Variants in TMCC1 observed in about 807,000 individuals in gnomAD.
TMCC1 encodes transmembrane and coiled-coil domain family 1, also known as transmembrane and coiled-coil domains protein 1.
TMCC1 carries 15 observed loss-of-function variants against 52.4 expected under a neutral mutation model. That is an observed-to-expected ratio of 0.29 (90% CI 0.19 to 0.44). The LOEUF is 0.44. TMCC1 is among the 20% of genes least tolerant of loss of function. TMCC1 has a pLI of 1.00. For synonymous variants in TMCC1, 279 were observed against 301.9 expected (o/e 0.92, Z 0.79); for missense variants, 503 against 806.0 (o/e 0.62, Z 4.55).
At chr3:129,756,565 A>G (rs2053031549) in intron 4 of TMCC1, among the ~76,000 whole-genome samples, 1 of 152,072 alleles carries the variant, frequency 6.6e-6, no homozygotes, top group African/African-American at 2.4e-5. Context: ...AGCCTGGCTG[A>G]TTTTTGTATC....
chr3:129,819,488 T>C (rs1175599349), intron 4 of TMCC1, among the ~76,000 whole-genome samples: 1 of 152,188 alleles, frequency 6.6e-6, no homozygotes, highest in Non-Finnish European at 1.5e-5. Flanking sequence ...CCTGTAAAAA[T>C]TTCAATTACT....
At chr3:129,675,589 T>G (rs2088348585) in intron 4 of TMCC1, among the ~76,000 whole-genome samples, 1 of 152,156 alleles carries the variant, frequency 6.6e-6, no homozygotes, top group African/African-American at 2.4e-5. Context: ...CCGTCCAAGA[T>G]CTTTCCACAT....
chr3:129,688,597 C>G (rs2089583178), intron 4 of TMCC1: 31 of 985,392 alleles, frequency 3.1e-5, no homozygotes, highest in Non-Finnish European at 3.7e-5. Context: ...TCAATTCTAT[C>G]TCCTGTAGCA....
At chr3:129,680,592 T>G (rs1394126206) in intron 4 of TMCC1, among the ~76,000 whole-genome samples, 1 of 152,050 alleles carries the variant, frequency 6.6e-6, no homozygotes, top group East Asian at 1.9e-4. Flanking sequence ...AGGGAGGCAC[T>G]GATGATTTTT....
chr3:129,761,116 G>C (rs1482555495), intron 4 of TMCC1, among the ~76,000 whole-genome samples: 1 of 150,384 alleles, frequency 6.6e-6, no homozygotes, highest in Non-Finnish European at 1.5e-5. Context: ...ACGAGGTCGG[G>C]GGATCGAGAC....
At chr3:129,804,182 G>A (rs1329205970) in intron 4 of TMCC1, among the ~76,000 whole-genome samples, 1 of 152,140 alleles carries the variant, frequency 6.6e-6, no homozygotes, top group East Asian at 1.9e-4. Flanking sequence ...GAATTGTTAA[G>A]TCTTCCTATT....
At chr3:129,728,287 T>G (rs1343003220) in intron 4 of TMCC1, among the ~76,000 whole-genome samples, 3 of 152,138 alleles carry the variant, frequency 2.0e-5, no homozygotes, top group Non-Finnish European at 4.4e-5. Flanking sequence ...CAAAGTTTTT[T>G]TTGTTGTTGT....
At chr3:129,698,016 C>T (rs2047538065) in intron 4 of TMCC1, among the ~76,000 whole-genome samples, 1 of 152,182 alleles carries the variant, frequency 6.6e-6, no homozygotes. Flanking sequence ...GCCCTCCAAA[C>T]TGTTCCAACC....
chr3:129,825,506 C>G (rs1395773071), intron 4 of TMCC1, among the ~76,000 whole-genome samples: 1 of 151,438 alleles, frequency 6.6e-6, no homozygotes, highest in African/African-American at 2.4e-5. Context: ...TTTAGAAGCT[C>G]CGAAGTTTAC....
chr3:129,802,714 C>T (rs1039730430), intron 4 of TMCC1, among the ~76,000 whole-genome samples: 1 of 152,140 alleles, frequency 6.6e-6, no homozygotes, highest in African/African-American at 2.4e-5. Flanking sequence ...GCATGTCGCA[C>T]ACCTGTTTGT....
rs1402473060 is a variant in TMCC1, at chr3:129,792,514, TTTATTTTTATATTTTTAGTAGAGA to T, written c.576+35265_576+35288del. 3.9e-5 allele frequency among the ~76,000 whole-genome samples: 6 copies of T among 152,132 alleles called. No individual in the cohort carries two copies. In the South Asian group the frequency reaches 1.2e-3, roughly 32 times the overall value. ...CACAGGCACGCACCACCATGCCCGG[TTTATTTTTATATTTTTAGTAGAGA>T]TGAGGTTTCACTATGTTGGCCACGC... is the stretch of plus-strand genomic sequence containing the variant. On this transcript the variant is annotated intron_variant, in intron 4 of 6. Coordinates refer to ENST00000393238, the MANE Select transcript of TMCC1 (RefSeq NM_001017395.5).
chr3:129,736,514 ATTTTC>A (rs1166373223), intron 4 of TMCC1, among the ~76,000 whole-genome samples: 1 of 148,600 alleles, frequency 6.7e-6, no homozygotes, highest in African/African-American at 2.5e-5. Flanking sequence ...GACAATTATT[ATTTTC>A]TTTTCTTTTT....
At chr3:129,678,434 C>T (rs2088665601) in intron 4 of TMCC1, among the ~76,000 whole-genome samples, 1 of 141,086 alleles carries the variant, frequency 7.1e-6, no homozygotes, top group Admixed American at 7.7e-5. Context: ...AATCTCGGCT[C>T]ACTGCAACCT....
intron 4 of TMCC1, among the ~76,000 whole-genome samples, chr3:129,723,055 T>C (rs1233533051): frequency 2.0e-5 from 3 of 152,166 alleles, no homozygotes; most frequent in African/African-American, 7.2e-5. Context: ...TATTTATCTC[T>C]TAGAAAATAT....
intron 2 of TMCC1, among the ~76,000 whole-genome samples, chr3:129,852,382 G>A (rs1161264818): frequency 2.0e-5 from 3 of 150,720 alleles, no homozygotes; most frequent in Admixed American, 6.6e-5. Context: ...GCTTGAACCC[G>A]GGAGGCAGAG....
intron 4 of TMCC1, among the ~76,000 whole-genome samples, chr3:129,792,671 T>C (rs1445031710): frequency 2.6e-5 from 4 of 152,194 alleles, no homozygotes; most frequent in Non-Finnish European, 5.9e-5. Flanking sequence ...ATTTTTTCAG[T>C]TCATTACTCT....
At chr3:129,868,077 G>A (rs1424993637) in intron 2 of TMCC1, among the ~76,000 whole-genome samples, 1 of 152,130 alleles carries the variant, frequency 6.6e-6, no homozygotes, top group Non-Finnish European at 1.5e-5. Context: ...GGAAATCCCT[G>A]TGTTACAAGA....
chr3:129,697,970 T>A (rs1040065217), intron 4 of TMCC1, among the ~76,000 whole-genome samples: 1 of 152,172 alleles, frequency 6.6e-6, no homozygotes, highest in East Asian at 1.9e-4. Context: ...CTCTAGGAAG[T>A]TCCAAACTTT....
intron 4 of TMCC1, among the ~76,000 whole-genome samples, chr3:129,727,242 G>C (rs896670711): frequency 6.6e-6 from 1 of 152,114 alleles, no homozygotes. Context: ...TAAATCCTCT[G>C]TGGAGGCTTT....
Sources: allele counts gnomAD v4.1 joint callset (sites outside exome capture counted in the v4.1 genomes callset), GRCh38; gene constraint gnomAD v4.1.1; transcripts MANE v1.5; gene names NCBI Gene and HGNC (gene_info 2026-07-23, HGNC 2026-07-21).